Variants in ZIM2 observed in about 807,000 individuals in gnomAD.
ZIM2 encodes the protein zinc finger protein 656.
ZIM2 carries 14 observed loss-of-function variants against 38.6 expected under a neutral mutation model. That is an observed-to-expected ratio of 0.36 (90% CI 0.24 to 0.57). The LOEUF is 0.57. Among genes scored for constraint, ZIM2 ranks in the 20% least tolerant of loss-of-function variants. The pLI is 0.81. For synonymous variants in ZIM2, 247 were observed against 245.8 expected, an observed-to-expected ratio of 1.00 and a Z score of -0.04; for missense variants, 680 against 695.1, an observed-to-expected ratio of 0.98 and a Z score of 0.24.
intron 2 of ZIM2, among the ~76,000 whole-genome samples, chr19:56,829,861 C>G (rs1416961101): frequency 6.6e-6 from 1 of 152,254 alleles, no homozygotes; most frequent in East Asian, 1.9e-4. Context: ...CATAACTGCT[C>G]TGCCCACTTG....
At chr19:56,785,108 G>A (rs2046526803) in intron 10 of ZIM2, among the ~76,000 whole-genome samples, 2 of 152,062 alleles carry the variant, frequency 1.3e-5, no homozygotes, top group Admixed American at 1.3e-4. Flanking sequence ...TGTGGCTTCT[G>A]ATTAAAAGCA....
chr19:56,820,597 C>A (rs1395353376), intron 7 of ZIM2, among the ~76,000 whole-genome samples: 1 of 152,152 alleles, frequency 6.6e-6, no homozygotes, highest in Non-Finnish European at 1.5e-5. Context: ...CCTCCCCCAA[C>A]ACCTGACCCG....
intron 7 of ZIM2, among the ~76,000 whole-genome samples, chr19:56,819,597 A>C (rs1203182502): frequency 6.6e-6 from 1 of 152,174 alleles, no homozygotes; most frequent in African/African-American, 2.4e-5. Context: ...ATCTGGGTCA[A>C]AGAAGGATTG....
intron 9 of ZIM2, chr19:56,811,814 C>A (rs8103783): frequency 1.0e-6 from 1 of 985,398 alleles, no homozygotes; most frequent in African/African-American, 1.7e-5. Flanking sequence ...CAGGACACCC[C>A]GCTCAATTCA....
intron 9 of ZIM2, among the ~76,000 whole-genome samples, chr19:56,790,707 G>A (rs1001986152): frequency 5.3e-5 from 8 of 152,070 alleles, no homozygotes; most frequent in Admixed American, 6.6e-5. Flanking sequence ...AATAAACTTC[G>A]TCACAGATAT....
At chr19:56,787,040 T>C (rs1270830290) in intron 10 of ZIM2, among the ~76,000 whole-genome samples, 2 of 151,854 alleles carry the variant, frequency 1.3e-5, no homozygotes, top group African/African-American at 4.8e-5. Context: ...TTTCGCATGT[T>C]GGCCAGGCTC....
rs1322885849 is a variant in ZIM2, at chr19:56,836,739, C to CTCA, written c.-313-636_-313-635insTGA. Among the ~76,000 whole-genome samples, 5 of 152,012 alleles carry CTCA rather than the reference C, an allele frequency of 3.3e-5. 1 individual carries two copies. The highest frequency in any genetic ancestry group is 2.0e-4 in the Admixed American group (3 of 15,262). ...ATCCCAGCACTTTGGGAGGCCAAGGCGGGCAGATCACCTGAGGTCAGGAGT... is the reference window on the plus strand; with the variant it reads ...ATCCCAGCACTTTGGGAGGCCAAGGCTCAGGGCAGATCACCTGAGGTCAGGAGT... On this transcript the variant is annotated intron_variant, in intron 1 of 12. Coordinates refer to ENST00000629319, the MANE Select transcript of ZIM2 (RefSeq NM_001387356.1).
chr19:56,819,979 C>A (rs75747709), intron 7 of ZIM2, among the ~76,000 whole-genome samples: 1,648 of 152,204 alleles, frequency 0.011, 34 homozygotes, highest in African/African-American at 0.038. Context: ...ACAACAAAAA[C>A]TAAGTAGGGC....
chr19:56,815,853 A>T (rs1489816697), intron 9 of ZIM2: 30 of 1,613,610 alleles, frequency 1.9e-5, no homozygotes, highest in Non-Finnish European at 2.5e-5. Flanking sequence ...CTGAGATATA[A>T]ATGGAGGATT....
chr19:56,824,911 C>G (rs889637426), intron 3 of ZIM2: 5 of 434,552 alleles, frequency 1.2e-5, no homozygotes, highest in African/African-American at 1.9e-5. Flanking sequence ...AGCATGACCT[C>G]TGGGCTTCAC....
intron 10 of ZIM2, among the ~76,000 whole-genome samples, chr19:56,788,296 G>A (rs536149736): frequency 6.6e-6 from 1 of 152,170 alleles, no homozygotes; most frequent in East Asian, 1.9e-4. Context: ...AGAGATTCTG[G>A]TACGTTGTGT....
At chr19:56,817,516 G>C in intron 9 of ZIM2, 1 of 1,608,318 alleles carries the variant, frequency 6.2e-7, no homozygotes, top group Non-Finnish European at 8.5e-7. Flanking sequence ...TCCGTGGGAA[G>C]ATTCATCTTC....
chr19:56,811,093 G>T (rs1389574579), intron 9 of ZIM2: 1 of 984,584 alleles, frequency 1.0e-6, no homozygotes, highest in Non-Finnish European at 1.2e-6. Flanking sequence ...GGATGGTGGG[G>T]ATATGATTTT....
intron 2 of ZIM2, among the ~76,000 whole-genome samples, chr19:56,831,573 A>G (rs1339307264): frequency 1.3e-5 from 2 of 152,236 alleles, no homozygotes; most frequent in African/African-American, 4.8e-5. Context: ...AGTGACAAAC[A>G]TACTTTGTTC....
intron 9 of ZIM2, among the ~76,000 whole-genome samples, chr19:56,792,530 CAAAA>C (rs1215431208): frequency 5.2e-4 from 11 of 20,958 alleles, no homozygotes; most frequent in East Asian, 1.7e-3. Flanking sequence ...GACTCTGTCT[CAAAA>C]AAAAAAAAAA....
At chr19:56,810,177 G>A in intron 9 of ZIM2, 2 of 980,058 alleles carry the variant, frequency 2.0e-6, no homozygotes, top group South Asian at 4.7e-5. Flanking sequence ...GAAACAAGAT[G>A]AAGAAAATAT....
chr19:56,828,751 C>T (rs2061295935), intron 2 of ZIM2, among the ~76,000 whole-genome samples: 1 of 152,118 alleles, frequency 6.6e-6, no homozygotes, highest in African/African-American at 2.4e-5. Flanking sequence ...AACACTAATA[C>T]ACAGAGTTCC....
chr19:56,809,414 G>T (rs949931653), intron 9 of ZIM2, among the ~76,000 whole-genome samples: 7 of 152,160 alleles, frequency 4.6e-5, no homozygotes, highest in Non-Finnish European at 1.0e-4. Flanking sequence ...TCCGACTTAT[G>T]GAATCAGGGA....
intron 9 of ZIM2, chr19:56,798,470 A>G (rs1381399504): frequency 6.6e-6 from 1 of 152,232 alleles, no homozygotes; most frequent in Non-Finnish European, 1.5e-5. Flanking sequence ...CTCAAGATGA[A>G]TTAAAGACTT....
Sources: allele counts gnomAD v4.1 joint callset (sites outside exome capture counted in the v4.1 genomes callset), GRCh38; gene constraint gnomAD v4.1.1; transcripts MANE v1.5; gene names NCBI Gene and HGNC (gene_info 2026-07-23, HGNC 2026-07-21).